DAB1: variants seen among roughly 807,000 people sequenced by gnomAD.
The protein encoded by DAB1 is DAB adaptor protein 1, also known as disabled homolog 1.
Under a neutral mutation model 64.6 loss-of-function variants are expected in DAB1, and 15 were observed. The ratio of observed to expected loss-of-function variants is 0.23; its 90% CI spans 0.16 to 0.36. DAB1 has a LOEUF of 0.36. Among genes scored for constraint, DAB1 ranks in the 10% least tolerant of loss-of-function variants. The pLI is 1.00. For synonymous variants in DAB1, 235 were observed against 251.9 expected (o/e 0.93, Z 0.64); for missense variants, 596 against 706.7 (o/e 0.84, Z 1.78).
rs1399874252 is a variant in DAB1, at chr1:56,995,078, T to C, written c.*3066A>G. On this transcript the variant is annotated 3_prime_UTR_variant, in exon 15 of 15. Coordinates refer to ENST00000371236, the MANE Select transcript of DAB1 (RefSeq NM_001365792.1). The stretch of plus-strand genomic sequence containing the variant: ...GTTTAAAAGAAGGTGCCCAGTACAT[T>C]ACATGATGGGGTTTCAGGAGACACT... 1 of 152,248 alleles carries C rather than the reference T, an allele frequency of 6.6e-6. No individual in the cohort carries two copies. Among genetic ancestry groups the C allele is most frequent in the East Asian group, 1.9e-4 (1 of 5,176 alleles). The allele number at this position is 152,248 out of a possible 1,614,324, so 9.4% of individuals were successfully genotyped here. A position where few individuals can be genotyped will look rare whatever the true frequency, so the allele number is the denominator to read the frequency against.
intron 4 of DAB1, among the ~76,000 whole-genome samples, chr1:57,098,593 T>G (rs1253754107): frequency 6.6e-6 from 1 of 152,178 alleles, no homozygotes; most frequent in Non-Finnish European, 1.5e-5. Context: ...GAAATCAAAC[T>G]GCATCATATA....
chr1:58,401,903 A>G lies in DAB1; in HGVS notation n.258-58500T>C, dbSNP rs142582435. ...TTTATTTCCATCCTTGCCTTTTTAC[A>G]TGTTGTGTGGACATATAAGGTGCTC... is the stretch of plus-strand genomic sequence containing the variant. On this transcript the variant is annotated intron_variant and non_coding_transcript_variant, in intron 3 of 20. Transcript: ENST00000485760. Among the ~76,000 whole-genome samples, 275 of 152,254 alleles carry G rather than the reference A, an allele frequency of 1.8e-3. 2 individuals are homozygous for G. The highest frequency in any genetic ancestry group is 6.4e-3 in the African/African-American group (267 of 41,536).
At chr1:57,004,516 G>T (rs942045644) in intron 14 of DAB1, among the ~76,000 whole-genome samples, 7 of 152,186 alleles carry the variant, frequency 4.6e-5, no homozygotes. Flanking sequence ...CATCCCGGGG[G>T]CCTAGGGTAA....
chr1:57,226,815 G>A (rs1004981058), intron 2 of DAB1, among the ~76,000 whole-genome samples: 3 of 151,590 alleles, frequency 2.0e-5, no homozygotes, highest in Non-Finnish European at 2.9e-5. Context: ...TAAACCTGAC[G>A]CCATTTGAAT....
At position 57,071,553 on chromosome 1, in the gene DAB1, T is replaced by C. The variant is rs1381870093; in HGVS notation, c.527A>G (p.Lys176Arg). ...QREELEKKAQ[K>R]DKQCEQAVYQ... ...CACAGCTTGTTCACACTGCTTATCC[T>C]TTTGTGCCTTTTTTTCTAATTCTTC... The change falls in exon 6 of 15, where the codon AAG becomes AGG. Residue 176 changes from lysine to arginine, a missense_variant. Coordinates refer to ENST00000371236, the MANE Select transcript of DAB1 (RefSeq NM_001365792.1). 6.2e-7 allele frequency: 1 copy of C among 1,613,802 alleles called. No individual in the cohort carries two copies. The highest frequency in any genetic ancestry group is 8.5e-7 in the Non-Finnish European group (1 of 1,179,872).
At chr1:58,249,801 TG>T (rs938692105) in intron 4 of DAB1, among the ~76,000 whole-genome samples, 1 of 152,070 alleles carries the variant, frequency 6.6e-6, no homozygotes, top group African/African-American at 2.4e-5. Context: ...GGATTCCGCT[TG>T]GGGGGTTCCC....
chr1:57,890,220 A>C (rs1165872087), intron 5 of DAB1, among the ~76,000 whole-genome samples: 1 of 152,136 alleles, frequency 6.6e-6, no homozygotes, highest in East Asian at 1.9e-4. Context: ...GACAACAGCC[A>C]CACACATGCA....
chr1:57,134,836 T>G (rs981575056), intron 4 of DAB1, among the ~76,000 whole-genome samples: 1 of 152,288 alleles, frequency 6.6e-6, no homozygotes, highest in Middle Eastern at 3.4e-3. Context: ...TTTTCTGTCC[T>G]TGCTGTCTTC....
intron 3 of DAB1, among the ~76,000 whole-genome samples, chr1:58,396,041 G>A (rs1031501547): frequency 2.0e-5 from 3 of 151,038 alleles, no homozygotes; most frequent in Non-Finnish European, 4.4e-5. Context: ...ACCTATGCTG[G>A]CTACAATCTA....
chr1:58,146,693 G>GGCTGAATAGT (rs558803800), intron 5 of DAB1, among the ~76,000 whole-genome samples: 7,638 of 151,786 alleles, frequency 0.05, 228 homozygotes, highest in Admixed American at 0.078. Context: ...CCTTTTTTAA[G>GGCTGAATAGT]GCTGAATAGT....
intron 2 of DAB1, among the ~76,000 whole-genome samples, chr1:57,243,068 A>C (rs925781734): frequency 2.0e-5 from 3 of 152,118 alleles, no homozygotes; most frequent in African/African-American, 7.2e-5. Context: ...TAAAGCGGAT[A>C]CTCTGAGGTT....
intron 6 of DAB1, among the ~76,000 whole-genome samples, chr1:57,697,796 C>T (rs890814097): frequency 3.3e-5 from 5 of 152,136 alleles, no homozygotes; most frequent in African/African-American, 4.8e-5. Flanking sequence ...ATCCACGGCA[C>T]TACTAGGGAG....
intron 9 of DAB1, among the ~76,000 whole-genome samples, chr1:57,043,951 T>C (rs1648135949): frequency 6.6e-6 from 1 of 152,220 alleles, no homozygotes. Context: ...TGTCAACTGT[T>C]CTGAACTTGC....
intron 5 of DAB1, among the ~76,000 whole-genome samples, chr1:58,100,348 T>C (rs1417702575): frequency 6.6e-6 from 1 of 152,224 alleles, no homozygotes; most frequent in Admixed American, 6.5e-5. Context: ...TAATCTAACA[T>C]CTTTATGATT....
intron 8 of DAB1, among the ~76,000 whole-genome samples, chr1:57,064,738 G>T (rs759804881): frequency 6.6e-6 from 1 of 151,910 alleles, no homozygotes; most frequent in African/African-American, 2.4e-5. Flanking sequence ...GTTCCCAGAA[G>T]CTCATCTACA....
intron 2 of DAB1, among the ~76,000 whole-genome samples, chr1:58,523,081 C>T (rs1362743112): frequency 1.3e-5 from 2 of 152,160 alleles, no homozygotes; most frequent in African/African-American, 4.8e-5. Flanking sequence ...TGTTTTCTGG[C>T]ACTACTATGT....
intron 7 of DAB1, among the ~76,000 whole-genome samples, chr1:57,472,318 C>T (rs1432515557): frequency 1.3e-5 from 2 of 152,202 alleles, no homozygotes; most frequent in African/African-American, 4.8e-5. Context: ...ATGCTGTTAC[C>T]AGCTTGATTT....
rs1306323388 is a variant in DAB1 at position 58,262,436 on chromosome 1, T to G, written n.309+80916A>C. Among the ~76,000 whole-genome samples, 5 of 152,176 alleles carry G rather than the reference T, an allele frequency of 3.3e-5. No homozygotes were observed. The East Asian group carries it at 9.6e-4, about 29-fold the overall frequency. The stretch of plus-strand genomic sequence containing the variant: ...CCCATCTCTACTAAAAATACAAAAA[T>G]TAGCTGAATGTGGTGGTATGCACCT... On this transcript the variant is annotated intron_variant and non_coding_transcript_variant, in intron 4 of 20. Transcript: ENST00000485760.
intron 7 of DAB1, among the ~76,000 whole-genome samples, chr1:57,539,368 A>G (rs552172142): frequency 4.6e-5 from 7 of 152,340 alleles, no homozygotes; most frequent in Non-Finnish European, 7.3e-5. Context: ...TGTAATACTG[A>G]AAGAATAAAC....
Sources: gnomAD v4.1 joint callset for allele counts (sites outside exome capture counted in the v4.1 genomes callset) on GRCh38, gnomAD v4.1.1 for gene constraint, MANE v1.5 for transcripts, NCBI Gene and HGNC (gene_info 2026-07-23, HGNC 2026-07-21) for gene names.